Variants in LRRC49 observed in about 807,000 individuals in gnomAD.
The protein encoded by LRRC49 is leucine-rich repeat-containing protein 49.
A neutral mutation model predicts 83.3 loss-of-function variants in LRRC49; 50 were observed. The observed-to-expected ratio is 0.60, with a 90% confidence interval of 0.48 to 0.76. LRRC49 has a LOEUF of 0.76. LRRC49 is among the 30% of genes least tolerant of loss of function. The pLI is 0.00. For missense variants in LRRC49, 704 were observed against 809.1 expected (o/e 0.87, Z 1.58); for synonymous variants, 286 against 283.3 (o/e 1.01, Z -0.10).
intron 3 of LRRC49, among the ~76,000 whole-genome samples, chr15:70,896,770 A>C (rs1326014911): frequency 6.6e-6 from 1 of 152,072 alleles, no homozygotes; most frequent in Non-Finnish European, 1.5e-5. Flanking sequence ...TTACTGTGGG[A>C]ACATATGGCA....
At chr15:70,992,818 T>C (rs1404333127) in intron 11 of LRRC49, among the ~76,000 whole-genome samples, 1 of 152,168 alleles carries the variant, frequency 6.6e-6, no homozygotes, top group African/African-American at 2.4e-5. Flanking sequence ...CCAGTTAGGC[T>C]ACTCGGGGGT....
At position 70,871,317 on chromosome 15, in the gene LRRC49, G is replaced by C. The variant is rs542531216; in HGVS notation, c.-298-1591G>C. On this transcript the variant is annotated intron_variant, in intron 1 of 16. Coordinates refer to the LRRC49 transcript ENST00000544974. The stretch of plus-strand genomic sequence containing the variant: ...TCCCAAGGCAGAAGAATTTTTCCTA[G>C]TACAGAACAAAATGGAGTCTCCCAT... Among the ~76,000 whole-genome samples, 7 of 152,288 alleles carry C rather than the reference G, an allele frequency of 4.6e-5. No individual in the cohort carries two copies. The East Asian group carries it at 1.3e-3, about 29-fold the overall frequency.
intron 7 of LRRC49, among the ~76,000 whole-genome samples, chr15:70,930,676 G>A (rs558908472): frequency 1.3e-5 from 2 of 152,302 alleles, no homozygotes; most frequent in African/African-American, 4.8e-5. Flanking sequence ...GTTGTTTAGG[G>A]TAGCTACCTT....
At chr15:71,025,165 A>G (rs1209169730) in intron 14 of LRRC49, among the ~76,000 whole-genome samples, 1 of 152,230 alleles carries the variant, frequency 6.6e-6, no homozygotes, top group Non-Finnish European at 1.5e-5. Flanking sequence ...CTAACAAGAC[A>G]GGCTAACATT....
At chr15:70,907,263 G>A (rs990958370) in intron 5 of LRRC49, among the ~76,000 whole-genome samples, 2 of 152,196 alleles carry the variant, frequency 1.3e-5, no homozygotes, top group African/African-American at 4.8e-5. Flanking sequence ...ACAAAGCTCT[G>A]CATTGCCTTT....
At chr15:70,945,974 A>G (rs2035994379) in intron 8 of LRRC49, among the ~76,000 whole-genome samples, 1 of 152,188 alleles carries the variant, frequency 6.6e-6, no homozygotes, top group African/African-American at 2.4e-5. Flanking sequence ...TAAAAGTTGT[A>G]TATATTTGTG....
intron 1 of LRRC49, among the ~76,000 whole-genome samples, chr15:70,870,737 G>A (rs1459796150): frequency 1.3e-5 from 2 of 152,106 alleles, no homozygotes; most frequent in Admixed American, 6.5e-5. Flanking sequence ...TGATTTGCCC[G>A]CCTAGGCCGC....
intron 9 of LRRC49, among the ~76,000 whole-genome samples, chr15:70,970,155 A>G (rs1307153769): frequency 2.0e-5 from 3 of 152,194 alleles, no homozygotes; most frequent in East Asian, 3.8e-4. Context: ...TGTTCCATCA[A>G]TACCTAGTTT....
upstream of LRRC49, chr15:70,891,988 CGGGGCGGGCACCCGGTGCA>C (rs754406745): frequency 3.9e-5 from 63 of 1,613,246 alleles, 1 homozygote; most frequent in African/African-American, 7.1e-4. Flanking sequence ...TCTTAGGTGC[CGGGGCGGGCACCCGGTGCA>C]GGGTGGGCAC....
chr15:70,951,840 G>T (rs1171818568), intron 8 of LRRC49, among the ~76,000 whole-genome samples: 1 of 152,072 alleles, frequency 6.6e-6, no homozygotes, highest in East Asian at 1.9e-4. Flanking sequence ...TCTTTTTCCA[G>T]TTCTCAAGGG....
chr15:70,869,753 C>G (rs1342523752), intron 1 of LRRC49, among the ~76,000 whole-genome samples: 1 of 152,102 alleles, frequency 6.6e-6, no homozygotes, highest in African/African-American at 2.4e-5. Flanking sequence ...TACCCTTGTC[C>G]CTGTTATGCT....
At chr15:70,882,975 T>C (rs2033304706) in intron 2 of LRRC49, 1 of 1,542,752 alleles carries the variant, frequency 6.5e-7, no homozygotes, top group African/African-American at 1.4e-5. Flanking sequence ...TTTCAAAAGT[T>C]ACAAGTAGTA....
At chr15:70,978,103 C>T (rs1244932740) in intron 9 of LRRC49, among the ~76,000 whole-genome samples, 2 of 152,082 alleles carry the variant, frequency 1.3e-5, no homozygotes, top group Admixed American at 6.6e-5. Flanking sequence ...TCCTCTAGAA[C>T]ACATTTTCAT....
intron 6 of LRRC49, among the ~76,000 whole-genome samples, chr15:70,913,426 T>C (rs1405332668): frequency 6.6e-6 from 1 of 152,224 alleles, no homozygotes; most frequent in African/African-American, 2.4e-5. Flanking sequence ...CTGGGAATTG[T>C]CTGGCTCTGC....
chr15:71,040,839 AG>A (rs1321913592), intron 15 of LRRC49, among the ~76,000 whole-genome samples: 3 of 143,652 alleles, frequency 2.1e-5, no homozygotes, highest in Middle Eastern at 3.2e-3. Flanking sequence ...AAAAAAAAAA[AG>A]GATTCAAGCT....
At chr15:70,858,659 C>A in intron 1 of LRRC49, 1 of 562,932 alleles carries the variant, frequency 1.8e-6, no homozygotes, top group South Asian at 2.8e-5. Flanking sequence ...CTTCTCTGCT[C>A]CTTCTGGAAT....
At chr15:70,931,549 T>TA (rs1004291213) in intron 7 of LRRC49, among the ~76,000 whole-genome samples, 9 of 152,100 alleles carry the variant, frequency 5.9e-5, no homozygotes, top group African/African-American at 9.6e-5. Flanking sequence ...TTGTAAAATT[T>TA]AAAAAAAAGC....
chr15:71,045,252 C>A (rs2039820297), intron 15 of LRRC49, among the ~76,000 whole-genome samples: 1 of 152,146 alleles, frequency 6.6e-6, no homozygotes, highest in Admixed American at 6.5e-5. Flanking sequence ...TCTTTTCTAA[C>A]TTTTTAATAA....
intron 14 of LRRC49, among the ~76,000 whole-genome samples, chr15:71,020,634 G>A (rs745721074): frequency 4.6e-5 from 7 of 152,096 alleles, no homozygotes; most frequent in African/African-American, 1.4e-4. Flanking sequence ...TAACAGCAGC[G>A]GTGGAAGCCA....
Sources: allele counts gnomAD v4.1 joint callset (sites outside exome capture counted in the v4.1 genomes callset), GRCh38; gene constraint gnomAD v4.1.1; transcripts MANE v1.5; gene names NCBI Gene and HGNC (gene_info 2026-07-23, HGNC 2026-07-21).